Variants in SHC4 observed in about 807,000 individuals in gnomAD.
The protein encoded by SHC4 is SHC-transforming protein 4.
SHC4 carries 41 observed loss-of-function variants against 69.4 expected under a neutral mutation model. The observed-to-expected ratio is 0.59, with a 90% CI of 0.46 to 0.77. The LOEUF (loss-of-function observed/expected upper bound fraction) is 0.77, where lower values mean the gene tolerates loss of function less well. SHC4 is among the 30% of genes least tolerant of loss of function. The pLI is 0.00. For missense variants in SHC4, 777 were observed against 783.8 expected (o/e 0.99, Z 0.10); for synonymous variants, 318 against 299.3 (o/e 1.06, Z -0.64).
chr15:48,858,327 C>T (rs1899373035), intron 6 of SHC4, among the ~76,000 whole-genome samples: 1 of 152,152 alleles, frequency 6.6e-6, no homozygotes, highest in Non-Finnish European at 1.5e-5. Flanking sequence ...CCGCTGCCAC[C>T]CCTTTTCCCT....
At chr15:48,906,167 G>A (rs1900402250) in intron 2 of SHC4, among the ~76,000 whole-genome samples, 3 of 152,054 alleles carry the variant, frequency 2.0e-5, no homozygotes, top group Admixed American at 6.6e-5. Flanking sequence ...ACCTATACAT[G>A]GAGTCTCAAA....
At chr15:48,905,036 GCTT>G (rs1301241987) in intron 2 of SHC4, among the ~76,000 whole-genome samples, 1 of 151,930 alleles carries the variant, frequency 6.6e-6, no homozygotes, top group Non-Finnish European at 1.5e-5. Context: ...TTGTCCAAGA[GCTT>G]CTTGTTTTGG....
chr15:48,901,024 C>T (rs978106068), intron 2 of SHC4, among the ~76,000 whole-genome samples: 1 of 152,320 alleles, frequency 6.6e-6, no homozygotes, highest in Middle Eastern at 3.4e-3. Flanking sequence ...ATAGGCAATC[C>T]ATAAACAAAT....
chr15:48,960,624 A>G (rs547645063), intron 1 of SHC4, among the ~76,000 whole-genome samples: 1 of 152,202 alleles, frequency 6.6e-6, no homozygotes, highest in East Asian at 1.9e-4. Flanking sequence ...CTGAGATCCT[A>G]ATTGTCTGTT....
At chr15:48,937,784 G>A (rs1350106981) in intron 1 of SHC4, among the ~76,000 whole-genome samples, 1 of 152,162 alleles carries the variant, frequency 6.6e-6, no homozygotes, top group East Asian at 1.9e-4. Flanking sequence ...ACCTAAGACA[G>A]TAAGTATTGT....
intron 9 of SHC4, among the ~76,000 whole-genome samples, chr15:48,849,456 G>A (rs1002179114): frequency 2.0e-4 from 31 of 152,196 alleles, no homozygotes; most frequent in African/African-American, 7.2e-4. Context: ...TTTAAGGTGT[G>A]TCTTCCTGGC....
intron 4 of SHC4, among the ~76,000 whole-genome samples, chr15:48,880,734 G>C (rs974717017): frequency 6.6e-6 from 1 of 152,032 alleles, no homozygotes; most frequent in African/African-American, 2.4e-5. Flanking sequence ...AATGAAAATT[G>C]TAAATACTTA....
intron 3 of SHC4, among the ~76,000 whole-genome samples, chr15:48,886,257 A>AATAT (rs138944535): frequency 1.3e-5 from 2 of 150,098 alleles, no homozygotes; most frequent in Non-Finnish European, 3.0e-5. Context: ...ACTGTCTCAA[A>AATAT]ATATATATAT....
intron 1 of SHC4, among the ~76,000 whole-genome samples, chr15:48,940,276 C>T (rs959091963): frequency 1.3e-5 from 2 of 152,194 alleles, no homozygotes; most frequent in African/African-American, 4.8e-5. Context: ...ATGGTCTCTC[C>T]TGCCAACACA....
intron 3 of SHC4, among the ~76,000 whole-genome samples, chr15:48,888,703 T>C (rs1900081639): frequency 6.6e-6 from 1 of 151,906 alleles, no homozygotes; most frequent in South Asian, 2.1e-4. Flanking sequence ...GAGACCAGCC[T>C]GGCCAAAATG....
rs141647145 is a variant in SHC4 at position 48,828,585 on chromosome 15, C to T, written c.1738-2459G>A. ...TTTCGAGAAACCTCCAAACTGTGTT[C>T]CATAGAGGCTGTACAATTTTACACA... On this transcript the variant is annotated intron_variant, in intron 11 of 11. Transcript: ENST00000332408. 9.2e-5 allele frequency among the ~76,000 whole-genome samples: 14 copies of T among 152,226 alleles called. No homozygotes were observed. In the East Asian group the frequency reaches 2.5e-3, roughly 27 times the overall value.
At chr15:48,961,216 T>A (rs1901540463) in intron 1 of SHC4, among the ~76,000 whole-genome samples, 1 of 152,206 alleles carries the variant, frequency 6.6e-6, no homozygotes, top group Non-Finnish European at 1.5e-5. Context: ...ATCAACCAAC[T>A]GGTCTTTTAA....
intron 2 of SHC4, among the ~76,000 whole-genome samples, chr15:48,894,141 C>G (rs150350536): frequency 2.3e-3 from 356 of 152,170 alleles, no homozygotes; most frequent in African/African-American, 8.2e-3. Context: ...ATGAAGAAGT[C>G]TATATAAATT....
intron 2 of SHC4, among the ~76,000 whole-genome samples, chr15:48,914,917 C>T (rs1900587746): frequency 6.6e-6 from 1 of 152,146 alleles, no homozygotes; most frequent in Non-Finnish European, 1.5e-5. Context: ...AGTAACTCCC[C>T]CTACTGCCTG....
Position 48,963,236 on chromosome 15 carries a change from C to G in SHC4, c.-221G>C, listed in dbSNP as rs1901578236. 1 of 506,724 alleles carries G rather than the reference C, an allele frequency of 2.0e-6. No homozygotes were observed. The highest frequency in any genetic ancestry group is 3.1e-5 in the East Asian group (1 of 31,790). 31.4% of individuals were successfully genotyped at this position (506,724 alleles called of 1,614,324 possible). On this transcript the variant is annotated 5_prime_UTR_variant, in exon 1 of 12. Coordinates refer to ENST00000332408, the MANE Select transcript of SHC4 (RefSeq NM_203349.4). ...CTCTGATTTCAGTCTCTCCCTGGCC[C>G]AGGCAGAGGCACCAGTGTTCTCGCC...
intron 9 of SHC4, among the ~76,000 whole-genome samples, chr15:48,847,570 C>T (rs16961720): frequency 0.044 from 6,708 of 152,238 alleles, 287 homozygotes; most frequent in East Asian, 0.22. Flanking sequence ...TCGGAGGCTA[C>T]TGAAAATATT....
intron 6 of SHC4, among the ~76,000 whole-genome samples, chr15:48,866,542 A>G (rs754674794): frequency 8.5e-5 from 13 of 152,112 alleles, no homozygotes; most frequent in Non-Finnish European, 1.9e-4. Flanking sequence ...CATCTACTAC[A>G]TCCTGCTGCC....
chr15:48,890,532 C>T (rs1900118421), intron 3 of SHC4, among the ~76,000 whole-genome samples: 1 of 152,170 alleles, frequency 6.6e-6, no homozygotes, highest in Admixed American at 6.5e-5. Context: ...GGCTTTCTCC[C>T]CTCTGCAGCT....
At chr15:48,906,465 C>G (rs1253413796) in intron 2 of SHC4, among the ~76,000 whole-genome samples, 1 of 151,902 alleles carries the variant, frequency 6.6e-6, no homozygotes, top group Non-Finnish European at 1.5e-5. Flanking sequence ...TTTCCCCCTA[C>G]TCTTCCCTTC....
Sources: allele counts gnomAD v4.1 joint callset (sites outside exome capture counted in the v4.1 genomes callset), GRCh38; gene constraint gnomAD v4.1.1; transcripts MANE v1.5; gene names NCBI Gene and HGNC (gene_info 2026-07-23, HGNC 2026-07-21).